The following CORIN variants were observed in gnomAD, a reference collection of about 807,000 sequenced individuals.
The protein encoded by CORIN is corin, serine peptidase, also known as atrial natriuretic peptide-converting enzyme.
In CORIN, 117 loss-of-function variants were observed where a neutral mutation model predicts 125.3. That is an observed-to-expected ratio of 0.93 (90% CI 0.80 to 1.09). The LOEUF (loss-of-function observed/expected upper bound fraction) is 1.09. Among genes scored for constraint, CORIN ranks in the 50% least tolerant of loss-of-function variants. The probability of loss-of-function intolerance (pLI) is 0.00; values close to 1 mark genes in which losing one functional copy is unlikely to be tolerated. For synonymous variants in CORIN, 450 were observed against 466.4 expected (o/e 0.96, Z 0.45); for missense variants, 1,253 against 1,306.7 (o/e 0.96, Z 0.63).
chr4:47,697,448 G>A (rs568701535), intron 5 of CORIN, among the ~76,000 whole-genome samples: 21 of 152,124 alleles, frequency 1.4e-4, no homozygotes, highest in African/African-American at 3.9e-4. Flanking sequence ...GTGCAGTGCC[G>A]CATGCCTGTA....
At chr4:47,752,120 C>T (rs939579936) in intron 4 of CORIN, among the ~76,000 whole-genome samples, 14 of 152,136 alleles carry the variant, frequency 9.2e-5, no homozygotes, top group Non-Finnish European at 5.9e-5. Flanking sequence ...ATGTAAGCTT[C>T]GCAGTGAGTT....
In CORIN at chr4:47,623,891, T is replaced by A; in HGVS notation, c.2365+8A>T. ...CATATCCCATTGCCACACCTCTAAT[T>A]CTCTCACCTTGTTTAGTACACAGAA... On this transcript the variant is annotated splice_region_variant and intron_variant, in intron 18 of 21. Coordinates refer to ENST00000273857, the MANE Select transcript of CORIN (RefSeq NM_006587.4). 1 of 1,613,298 alleles carries A rather than the reference T, an allele frequency of 6.2e-7. No individual in the cohort carries two copies. The highest frequency in any genetic ancestry group is 8.5e-7 in the Non-Finnish European group (1 of 1,179,204).
chr4:47,769,262 G>A (rs1260535428), intron 3 of CORIN, among the ~76,000 whole-genome samples: 3 of 151,518 alleles, frequency 2.0e-5, no homozygotes, highest in South Asian at 4.2e-4. Flanking sequence ...AAAAGAAATC[G>A]AGAAAACAAT....
intron 3 of CORIN, among the ~76,000 whole-genome samples, chr4:47,781,902 C>A (rs1384280426): frequency 6.6e-6 from 1 of 151,968 alleles, no homozygotes; most frequent in East Asian, 1.9e-4. Context: ...CATGCCACTG[C>A]ACTCCAGCCT....
chr4:47,683,601 T>TA lies in CORIN; in HGVS notation c.1021+129dup, dbSNP rs532785116. The stretch of plus-strand genomic sequence containing the variant: ...AGTGACTGAACAAACTTCCTCCTTC[T>TA]AAAAAACAAGAAACCAATCATTTTG... On this transcript the variant is annotated intron_variant, in intron 7 of 21. Transcript: ENST00000273857. 1.5e-4 allele frequency: 100 copies of TA among 646,436 alleles called. No individual in the cohort carries two copies. In the African/African-American group the frequency reaches 1.8e-3, roughly 12 times the overall value. 40.0% of individuals were successfully genotyped at this position (646,436 alleles called of 1,614,324 possible). A position where few individuals can be genotyped will look rare whatever the true frequency, so the allele number is the denominator to read the frequency against.
chr4:47,649,031 A>T (rs1322988345), intron 13 of CORIN, among the ~76,000 whole-genome samples: 1 of 152,144 alleles, frequency 6.6e-6, no homozygotes, highest in African/African-American at 2.4e-5. Context: ...CCTGCTTCCC[A>T]CTGTGGTCTA....
chr4:47,726,432 A>T (rs1727601303), intron 5 of CORIN, among the ~76,000 whole-genome samples: 1 of 152,152 alleles, frequency 6.6e-6, no homozygotes, highest in African/African-American at 2.4e-5. Context: ...ATCGTAAGTG[A>T]AAGAAACAGG....
intron 11 of CORIN, among the ~76,000 whole-genome samples, chr4:47,663,913 T>TC (rs565658689): frequency 1.3e-4 from 20 of 152,184 alleles, no homozygotes; most frequent in Non-Finnish European, 2.4e-4. Context: ...TTTGTTCAGT[T>TC]CCCCAAGTCA....
chr4:47,741,508 T>C (rs1456147891), intron 5 of CORIN, among the ~76,000 whole-genome samples: 3 of 152,010 alleles, frequency 2.0e-5, no homozygotes, highest in African/African-American at 4.8e-5. Flanking sequence ...ATGTTAAACA[T>C]AGAGTTAATA....
rs372683178 is a variant in CORIN at position 47,744,585 on chromosome 4, TAAA to T, written c.618-5_618-3del. On this transcript the variant is annotated splice_polypyrimidine_tract_variant and splice_region_variant and intron_variant, in intron 4 of 21. Transcript: ENST00000273857. ...GACCTACAGGGCAGGAGTCCATGAC[TAAA>T]AAAAAAAAAAGAGAAAGGTGAAAAT... The T allele has an allele frequency of 1.1e-4, 147 of 1,306,314 alleles. No homozygotes were observed. Among genetic ancestry groups the T allele is most frequent in the South Asian group, 4.5e-4 (30 of 66,944 alleles). The allele number at this position is 1,306,314 out of a possible 1,614,324, so 80.9% of individuals were successfully genotyped here. A position where few individuals can be genotyped will look rare whatever the true frequency, so the allele number is the denominator to read the frequency against.
rs949694652 is a variant in CORIN, at chr4:47,595,580, A to G, written c.*141T>C. 2.1e-5 allele frequency: 11 copies of G among 524,804 alleles called. No individual in the cohort carries two copies. In the South Asian group the frequency reaches 2.8e-4, roughly 13 times the overall value. 32.5% of individuals were successfully genotyped at this position (524,804 alleles called of 1,614,324 possible). A position where few individuals can be genotyped will look rare whatever the true frequency, so the allele number is the denominator to read the frequency against. On this transcript the variant is annotated 3_prime_UTR_variant, in exon 22 of 22. Coordinates refer to ENST00000273857, the MANE Select transcript of CORIN (RefSeq NM_006587.4). ...ATTGAAAAAAATTAGTCCAAAACAA[A>G]CATGCAAATTTGCAGTGCACGATTG...
intron 3 of CORIN, among the ~76,000 whole-genome samples, chr4:47,785,951 C>T (rs188182570): frequency 2.1e-4 from 32 of 151,666 alleles, no homozygotes; most frequent in African/African-American, 7.3e-4. Context: ...GGGATAGCTC[C>T]CATTAAATCA....
intron 14 of CORIN, 38 bp from the exon 15 acceptor site, chr4:47,643,294 T>C (rs768161997): frequency 1.3e-6 from 2 of 1,542,934 alleles, no homozygotes; most frequent in Non-Finnish European, 1.8e-6. Context: ...GAAAACATTT[T>C]AGAAATAAAT....
intron 13 of CORIN, 73 bp downstream of exon 13, chr4:47,653,480 T>C: frequency 3.9e-6 from 5 of 1,266,446 alleles, no homozygotes; most frequent in Non-Finnish European, 5.7e-6. Context: ...ATAGTTTCCA[T>C]TTTTAACACA....
chr4:47,712,494 G>C (rs1726895102), intron 5 of CORIN, among the ~76,000 whole-genome samples: 1 of 152,162 alleles, frequency 6.6e-6, no homozygotes, highest in Admixed American at 6.5e-5. Flanking sequence ...TGTTGCCCAG[G>C]CTGGTCTTGA....
chr4:47,689,313 T>A (rs1202835793), intron 6 of CORIN, among the ~76,000 whole-genome samples: 1 of 152,194 alleles, frequency 6.6e-6, no homozygotes, highest in African/African-American at 2.4e-5. Context: ...TATTCACTAT[T>A]TATTGTTTCC....
intron 11 of CORIN, 74 bp from the exon 12 acceptor site, chr4:47,661,930 C>G: frequency 7.1e-7 from 1 of 1,413,698 alleles, no homozygotes; most frequent in South Asian, 1.5e-5. Flanking sequence ...AAATTTATGT[C>G]AAGTTTTAAT....
In CORIN at chr4:47,789,935, T is replaced by G. The variant is rs1393296076; in HGVS notation, c.209-3010A>C. 2.0e-5 allele frequency among the ~76,000 whole-genome samples: 3 copies of G among 152,196 alleles called. No individual in the cohort carries two copies. In the East Asian group the frequency reaches 5.8e-4, roughly 29 times the overall value. On this transcript the variant is annotated intron_variant, in intron 2 of 21. Coordinates refer to ENST00000273857, the MANE Select transcript of CORIN (RefSeq NM_006587.4). Reference sequence around the variant, plus strand: ...TACTCGGGAGGCTGAGGCAGGAGAATGGCATGAACCCGGGAGGTGGAGGTT... The same window carrying G: ...TACTCGGGAGGCTGAGGCAGGAGAAGGGCATGAACCCGGGAGGTGGAGGTT...
In CORIN at chr4:47,744,585, T is replaced by C; in HGVS notation, c.618-2A>G. 2 of 1,308,050 alleles carry C rather than the reference T, an allele frequency of 1.5e-6. No individual in the cohort carries two copies. The highest frequency in any genetic ancestry group is 2.1e-6 in the Non-Finnish European group (2 of 974,020). The allele number at this position is 1,308,050 out of a possible 1,614,324, so 81.0% of individuals were successfully genotyped here. A position where few individuals can be genotyped will look rare whatever the true frequency, so the allele number is the denominator to read the frequency against. The stretch of plus-strand genomic sequence containing the variant: ...GACCTACAGGGCAGGAGTCCATGAC[T>C]AAAAAAAAAAAAAGAGAAAGGTGAA... On this transcript the variant is annotated splice_acceptor_variant, in intron 4 of 21. Transcript: ENST00000273857. LOFTEE classifies it high-confidence loss of function.
Sources: gnomAD v4.1 joint callset for allele counts (sites outside exome capture counted in the v4.1 genomes callset) on GRCh38, gnomAD v4.1.1 for gene constraint, MANE v1.5 for transcripts, NCBI Gene and HGNC (gene_info 2026-07-23, HGNC 2026-07-21) for gene names.